The following KIF26A variants were observed in gnomAD, a reference collection of about 807,000 sequenced individuals.
KIF26A encodes the protein kinesin-like protein KIF26A.
A neutral mutation model predicts 126.0 loss-of-function variants in KIF26A; 74 were observed. That is an observed-to-expected ratio of 0.59 (90% CI 0.49 to 0.71). The LOEUF (loss-of-function observed/expected upper bound fraction) is 0.71. Among genes scored for constraint, KIF26A ranks in the 30% least tolerant of loss-of-function variants. The pLI, the probability that KIF26A is intolerant of heterozygous loss-of-function variation, is 0.00. For synonymous variants in KIF26A, 1,445 were observed against 1,232.7 expected (o/e 1.17, Z -3.61); for missense variants, 2,984 against 2,763.3 (o/e 1.08, Z -1.79).
intron 11 of KIF26A, among the ~76,000 whole-genome samples, chr14:104,174,668 C>T (rs1182313854): frequency 5.9e-5 from 9 of 152,280 alleles, no homozygotes; most frequent in Non-Finnish European, 1.3e-4. Context: ...GAGTTTGGGG[C>T]ACTCTGGGGT....
chr14:104,138,903 G>A (rs2037608946), intron 1 of KIF26A, 139 bp downstream of exon 1: 4 of 1,253,768 alleles, frequency 3.2e-6, no homozygotes, highest in African/African-American at 1.6e-5. Context: ...CTCCGGGGAT[G>A]GAGGGAGTGG....
chr14:104,163,707 C>T (rs2037853428), intron 4 of KIF26A, among the ~76,000 whole-genome samples: 1 of 151,498 alleles, frequency 6.6e-6, no homozygotes, highest in South Asian at 2.1e-4. Context: ...GCATGCGCGG[C>T]ACGGGGCGGC....
chr14:104,150,128 C>T (rs1336534152), intron 2 of KIF26A, among the ~76,000 whole-genome samples: 1 of 130,794 alleles, frequency 7.6e-6, no homozygotes, highest in Non-Finnish European at 1.7e-5. Flanking sequence ...CTCCTGGTCC[C>T]CCTCCCCGTC....
chr14:104,166,603 G>A (rs1022043550), intron 4 of KIF26A, among the ~76,000 whole-genome samples: 3 of 152,182 alleles, frequency 2.0e-5, no homozygotes, highest in East Asian at 3.9e-4. Flanking sequence ...CGCTCAGCCT[G>A]TGTGGGTCTG....
intron 11 of KIF26A, 37 bp from the exon 12 acceptor site, chr14:104,174,945 G>A: frequency 1.3e-6 from 2 of 1,484,900 alleles, no homozygotes; most frequent in South Asian, 1.3e-5. Context: ...GCGTGTAGGG[G>A]AGACTGGGCT....
chr14:104,167,107 C>T (rs1362849279), intron 5 of KIF26A, 59 bp downstream of exon 5: 33 of 1,426,438 alleles, frequency 2.3e-5, no homozygotes, highest in East Asian at 2.1e-4. Context: ...TCTGAGAAGA[C>T]GCAGGAGGGG....
In KIF26A at chr14:104,177,605, GC is replaced by G; in HGVS notation, c.4820del (p.Pro1607ArgfsTer10). 1 of 1,527,830 alleles carries G rather than the reference GC, an allele frequency of 6.5e-7. No individual in the cohort carries two copies. The allele number at this position is 1,527,830 out of a possible 1,614,324, so 94.6% of individuals were successfully genotyped here. ...VNVGEERPPTGPALPSPYSKV... is the reference protein window; with the variant it reads ...VNVGEERPPTXPALPSPYSKV... Reference sequence around the variant, plus strand: ...GTGGGGGAGGAGCGGCCACCCACGGGCCCGGCCCTGCCCTCCCCCTACAGCA... The same window carrying G: ...GTGGGGGAGGAGCGGCCACCCACGGGCCGGCCCTGCCCTCCCCCTACAGCA... On this transcript the variant is annotated frameshift_variant, in exon 12 of 15. Coordinates refer to ENST00000423312, the MANE Select transcript of KIF26A (RefSeq NM_015656.2). LOFTEE classifies it high-confidence loss of function.
chr14:104,179,982 G>A lies in KIF26A; in HGVS notation c.*192G>A. ...GCGGTGGACAGAGCGAGGGTGCCAG[G>A]GTGACCAGAAGACCGTCACCACCCG... On this transcript the variant is annotated 3_prime_UTR_variant, in exon 15 of 15. Coordinates refer to ENST00000423312, the MANE Select transcript of KIF26A (RefSeq NM_015656.2). 5 of 576,068 alleles carry A rather than the reference G, an allele frequency of 8.7e-6. No homozygotes were observed. The highest frequency in any genetic ancestry group is 1.4e-5 in the Non-Finnish European group (5 of 347,196). 35.7% of individuals were successfully genotyped at this position (576,068 alleles called of 1,614,324 possible). A position where few individuals can be genotyped will look rare whatever the true frequency, so the allele number is the denominator to read the frequency against.
chr14:104,144,351 A>T (rs1405749351), intron 2 of KIF26A, among the ~76,000 whole-genome samples: 1 of 151,358 alleles, frequency 6.6e-6, no homozygotes, highest in South Asian at 2.1e-4. Context: ...CCGTGGTCAC[A>T]TGTGGGCTGG....
chr14:104,176,512 C>T lies in KIF26A; in HGVS notation c.3724C>T (p.Pro1242Ser). Residue 1242 changes from proline (P) to serine (S), a missense_variant, in exon 12 of 15, where the codon CCA (proline) becomes TCA (serine). Physicochemically the swap from Pro to Ser is moderately conservative, Grantham distance 74. Transcript: ENST00000423312. ...PPGRGGLFED[P>S]WLLRVGECDT... ...TGGCCGTGGAGGCCTGTTTGAGGAC[C>T]CATGGCTGCTCCGGGTAGGGGAGTG... is the stretch of plus-strand genomic sequence containing the variant. 1 of 1,605,308 alleles carries T rather than the reference C, an allele frequency of 6.2e-7. No individual in the cohort carries two copies. Among genetic ancestry groups the T allele is most frequent in the Non-Finnish European group, 8.5e-7 (1 of 1,179,674 alleles).
chr14:104,140,441 C>T (rs1385421429), intron 2 of KIF26A, among the ~76,000 whole-genome samples: 1 of 152,156 alleles, frequency 6.6e-6, no homozygotes, highest in Non-Finnish European at 1.5e-5. Context: ...CTGGAGAGGG[C>T]CAGCCAGAGC....
intron 5 of KIF26A, among the ~76,000 whole-genome samples, chr14:104,167,410 G>T (rs149678333): frequency 1.3e-5 from 2 of 152,224 alleles, no homozygotes; most frequent in East Asian, 3.9e-4. Context: ...GGGGGCTGGG[G>T]GCAGGAGGGG....
chr14:104,178,578 CCCACTGCCCGACA>C lies in KIF26A; in HGVS notation c.5149_5161del (p.Asp1717TrpfsTer22). 2 of 1,496,208 alleles carry C rather than the reference CCCACTGCCCGACA, an allele frequency of 1.3e-6. No individual in the cohort carries two copies. The highest frequency in any genetic ancestry group is 1.4e-5 in the African/African-American group (1 of 70,712). 92.7% of individuals were successfully genotyped at this position (1,496,208 alleles called of 1,614,324 possible). On this transcript the variant is annotated frameshift_variant, in exon 13 of 15. Transcript: ENST00000423312. LOFTEE classifies it high-confidence loss of function. ...TGCAGCGGCGGCGCCTGATTCCCGC[CCCACTGCCCGACA>C]CCACTGCCCTGGGCCGTAAGCCCAG...
rs138981424 is a variant in KIF26A, at chr14:104,158,914, C to T, written c.923+972C>T. 3.4e-3 allele frequency among the ~76,000 whole-genome samples: 525 copies of T among 152,314 alleles called. 5 individuals are homozygous for T. Among genetic ancestry groups the T allele is most frequent in the African/African-American group, 0.012 (504 of 41,570 alleles). On this transcript the variant is annotated intron_variant, in intron 4 of 14. Coordinates refer to ENST00000423312, the MANE Select transcript of KIF26A (RefSeq NM_015656.2). The stretch of plus-strand genomic sequence containing the variant: ...TGCCTGGTAATGGCAGGCCCAGCCG[C>T]GGGTCAGTGTCCCATTAGCAGCCCC...
chr14:104,171,615 T>C, intron 5 of KIF26A, 108 bp from the exon 6 acceptor site: 2 of 899,290 alleles, frequency 2.2e-6, no homozygotes, highest in Middle Eastern at 3.3e-4. Flanking sequence ...GGGGTGCCAG[T>C]GTGAGGCCTG....
Position 104,176,731 on chromosome 14 carries a change from G to T in KIF26A, c.3943G>T (p.Val1315Leu), listed in dbSNP as rs1457025742. 6.3e-7 allele frequency: 1 copy of T among 1,587,628 alleles called. No homozygotes were observed. Among genetic ancestry groups the T allele is most frequent in the East Asian group, 2.3e-5 (1 of 43,876 alleles). The change falls in exon 12 of 15, where the codon GTG becomes TTG. Residue 1315 changes from valine (V) to leucine (L), a missense_variant. By Grantham distance (32) the Val-to-Leu change is conservative (BLOSUM62 1). Coordinates refer to ENST00000423312, the MANE Select transcript of KIF26A (RefSeq NM_015656.2). Reference protein sequence around the residue: ...PLRRGATTLGVTTPAVSWGDA... With the variant: ...PLRRGATTLGLTTPAVSWGDA... The stretch of plus-strand genomic sequence containing the variant: ...GCGGAGGGGTGCCACCACGCTGGGT[G>T]TGACAACGCCAGCTGTGTCCTGGGG...
intron 5 of KIF26A, among the ~76,000 whole-genome samples, chr14:104,168,205 G>C (rs964807371): frequency 1.3e-5 from 2 of 152,210 alleles, no homozygotes; most frequent in African/African-American, 4.8e-5. Context: ...GCTCGTGGGA[G>C]GGTTTGGAAC....
rs1407500036 is a variant in KIF26A at position 104,179,877 on chromosome 14, G to C, written c.*87G>C. 6 of 1,331,300 alleles carry C rather than the reference G, an allele frequency of 4.5e-6. No individual in the cohort carries two copies. The South Asian group carries it at 7.4e-5, about 16-fold the overall frequency. The allele number at this position is 1,331,300 out of a possible 1,614,324, so 82.5% of individuals were successfully genotyped here. On this transcript the variant is annotated 3_prime_UTR_variant, in exon 15 of 15. Coordinates refer to ENST00000423312, the MANE Select transcript of KIF26A (RefSeq NM_015656.2). ...AGCGAGGATGTGGTGGGGGCTGCGG[G>C]GGGAGGATGCGGAGGGGTTTCTGTG...
At chr14:104,145,775 G>T (rs1047151064) in intron 2 of KIF26A, among the ~76,000 whole-genome samples, 3 of 152,162 alleles carry the variant, frequency 2.0e-5, no homozygotes, top group African/African-American at 2.4e-5. Flanking sequence ...CCTCCACAAA[G>T]CCCTCGTCCT....
Sources: allele counts gnomAD v4.1 joint callset (sites outside exome capture counted in the v4.1 genomes callset), GRCh38; gene constraint gnomAD v4.1.1; transcripts MANE v1.5; gene names NCBI Gene and HGNC (gene_info 2026-07-23, HGNC 2026-07-21).